Variants in CDKAL1 observed in about 807,000 individuals in gnomAD.
CDKAL1 encodes threonylcarbamoyladenosine tRNA methylthiotransferase.
A neutral mutation model predicts 68.2 loss-of-function variants in CDKAL1; 32 were observed. The ratio of observed to expected loss-of-function variants is 0.47; its 90% CI spans 0.35 to 0.63. The LOEUF (loss-of-function observed/expected upper bound fraction) is 0.63. Among genes scored for constraint, CDKAL1 ranks in the 30% least tolerant of loss-of-function variants. The pLI is 0.00. For synonymous variants in CDKAL1, 234 were observed against 244.3 expected (o/e 0.96, Z 0.39); for missense variants, 606 against 696.7 (o/e 0.87, Z 1.47).
intron 10 of CDKAL1, among the ~76,000 whole-genome samples, chr6:20,957,289 G>C (rs1352231122): frequency 1.3e-5 from 2 of 152,134 alleles, no homozygotes; most frequent in Non-Finnish European, 2.9e-5. Flanking sequence ...TTGGCTCTGA[G>C]GTAACTAACC....
chr6:20,724,785 T>C, intron 5 of CDKAL1, among the ~76,000 whole-genome samples: 1 of 152,200 alleles, frequency 6.6e-6, no homozygotes, highest in East Asian at 1.9e-4. Context: ...CTCATAGCAT[T>C]CAGGTAGATG....
intron 15 of CDKAL1, among the ~76,000 whole-genome samples, chr6:21,205,829 C>G (rs62404545): frequency 9.9e-6 from 1 of 100,640 alleles, no homozygotes; most frequent in South Asian, 3.0e-4. Context: ...CCGCGCCCAG[C>G]CTTTTTTTTT....
chr6:21,175,986 C>T (rs1777557205), intron 13 of CDKAL1, among the ~76,000 whole-genome samples: 1 of 152,236 alleles, frequency 6.6e-6, no homozygotes, highest in Non-Finnish European at 1.5e-5. Context: ...ATGGGCTGTG[C>T]CCGTCACCTA....
intron 9 of CDKAL1, among the ~76,000 whole-genome samples, chr6:20,907,020 T>C (rs576382306): frequency 1.3e-5 from 2 of 152,208 alleles, no homozygotes; most frequent in Non-Finnish European, 2.9e-5. Flanking sequence ...GTACTTAAAG[T>C]AGTCAAAATC....
In CDKAL1 at chr6:20,562,157, C is replaced by T. The variant is rs1764291071; in HGVS notation, c.286+13452C>T. On this transcript the variant is annotated intron_variant, in intron 4 of 15. Transcript: ENST00000274695. ...TCCTGTGCCCTCGCAGAGAGATTATCTTGGAGTATTACTTGTATTCACTTG... is the reference window on the plus strand; with the variant it reads ...TCCTGTGCCCTCGCAGAGAGATTATTTTGGAGTATTACTTGTATTCACTTG... 2.0e-5 allele frequency among the ~76,000 whole-genome samples: 3 copies of T among 152,164 alleles called. No homozygotes were observed. The South Asian group carries it at 6.2e-4, about 32-fold the overall frequency.
chr6:20,804,683 T>C (rs1465798267), intron 8 of CDKAL1, among the ~76,000 whole-genome samples: 1 of 152,154 alleles, frequency 6.6e-6, no homozygotes, highest in Non-Finnish European at 1.5e-5. Context: ...GTATCTATGA[T>C]GTTGTACAGG....
chr6:20,692,255 A>G (rs1770903831), intron 5 of CDKAL1, among the ~76,000 whole-genome samples: 1 of 152,198 alleles, frequency 6.6e-6, no homozygotes, highest in South Asian at 2.1e-4. Context: ...ACATGTCAAA[A>G]TGACTAAAGA....
At chr6:20,719,394 G>C (rs1449239766) in intron 5 of CDKAL1, among the ~76,000 whole-genome samples, 1 of 152,110 alleles carries the variant, frequency 6.6e-6, no homozygotes, top group African/African-American at 2.4e-5. Flanking sequence ...ATGGTCAGAG[G>C]ACCAAATACA....
At chr6:21,061,286 TATAGG>T (rs1771127924) in intron 11 of CDKAL1, among the ~76,000 whole-genome samples, 1 of 152,064 alleles carries the variant, frequency 6.6e-6, no homozygotes, top group South Asian at 2.1e-4. Context: ...TGCCAGTAAA[TATAGG>T]AGAGAAAAAA....
At chr6:20,774,714 G>A (rs1775100388) in intron 7 of CDKAL1, among the ~76,000 whole-genome samples, 1 of 152,152 alleles carries the variant, frequency 6.6e-6, no homozygotes, top group South Asian at 2.1e-4. Context: ...TGTGCACACA[G>A]CAGTGAATTG....
chr6:20,793,802 T>TTA (rs776962803), intron 8 of CDKAL1, among the ~76,000 whole-genome samples: 297 of 146,202 alleles, frequency 2.0e-3, no homozygotes, highest in Middle Eastern at 3.6e-3. Flanking sequence ...CAGATATATA[T>TTA]TATATATATA....
At chr6:20,714,471 C>T (rs961020784) in intron 5 of CDKAL1, among the ~76,000 whole-genome samples, 1 of 146,784 alleles carries the variant, frequency 6.8e-6, no homozygotes. Context: ...TCACTGCAGC[C>T]TTGATTTCCC....
At chr6:20,738,830 C>T (rs558577381) in intron 5 of CDKAL1, among the ~76,000 whole-genome samples, 1 of 152,194 alleles carries the variant, frequency 6.6e-6, no homozygotes, top group Non-Finnish European at 1.5e-5. Flanking sequence ...AATAATTACA[C>T]AACAGAGTGG....
intron 10 of CDKAL1, among the ~76,000 whole-genome samples, chr6:20,975,847 T>C (rs985342457): frequency 2.0e-5 from 3 of 152,240 alleles, no homozygotes; most frequent in African/African-American, 7.2e-5. Flanking sequence ...ATTCTTGGCA[T>C]TGCTGTACTT....
At chr6:20,550,263 C>A (rs2127657122) in intron 4 of CDKAL1, among the ~76,000 whole-genome samples, 1 of 152,274 alleles carries the variant, frequency 6.6e-6, no homozygotes, top group South Asian at 2.1e-4. Flanking sequence ...CAGGCATGAG[C>A]CACTGCACCT....
At chr6:20,849,409 C>T (rs1048150506) in intron 9 of CDKAL1, among the ~76,000 whole-genome samples, 6 of 151,840 alleles carry the variant, frequency 4.0e-5, no homozygotes, top group African/African-American at 1.5e-4. Context: ...CAGTAAAACC[C>T]CGTCTCTACT....
chr6:20,774,559 A>G (rs1301051102), intron 7 of CDKAL1, among the ~76,000 whole-genome samples: 1 of 152,222 alleles, frequency 6.6e-6, no homozygotes, highest in Non-Finnish European at 1.5e-5. Flanking sequence ...AAGTAGCACC[A>G]TGAGATTTAG....
At chr6:21,221,739 C>T (rs944314641) in intron 15 of CDKAL1, among the ~76,000 whole-genome samples, 1 of 152,164 alleles carries the variant, frequency 6.6e-6, no homozygotes, top group Non-Finnish European at 1.5e-5. Context: ...TTAGATTGCA[C>T]TTCAAGCTCT....
At chr6:20,564,444 G>A (rs1319204160) in intron 4 of CDKAL1, among the ~76,000 whole-genome samples, 87 of 152,078 alleles carry the variant, frequency 5.7e-4, no homozygotes, top group Non-Finnish European at 1.5e-4. Flanking sequence ...TGTGTTGAAT[G>A]TTTTATCTAC....
Sources: gnomAD v4.1 joint callset for allele counts (sites outside exome capture counted in the v4.1 genomes callset) on GRCh38, gnomAD v4.1.1 for gene constraint, MANE v1.5 for transcripts, NCBI Gene and HGNC (gene_info 2026-07-23, HGNC 2026-07-21) for gene names.